Variants in CABCOCO1 observed in about 807,000 individuals in gnomAD.
CABCOCO1 encodes the protein ciliary associated calcium binding coiled-coil 1.
Under a neutral mutation model 35.7 loss-of-function variants are expected in CABCOCO1, and 28 were observed. The ratio of observed to expected loss-of-function variants is 0.78; its 90% CI spans 0.58 to 1.07. The LOEUF (loss-of-function observed/expected upper bound fraction) is 1.07, where lower values mean the gene tolerates loss of function less well. Ranked by LOEUF, CABCOCO1 falls within the 50% of genes least tolerant of loss-of-function variation. The probability of loss-of-function intolerance (pLI) is 0.00; values close to 1 mark genes in which losing one functional copy is unlikely to be tolerated. For synonymous variants in CABCOCO1, 95 were observed against 100.1 expected, an observed-to-expected ratio of 0.95 and a Z score of 0.30; for missense variants, 326 against 309.2, an observed-to-expected ratio of 1.05 and a Z score of -0.41.
chr10:61,710,992 C>A lies in CABCOCO1; in HGVS notation c.552+20371C>A, dbSNP rs139943974. On this transcript the variant is annotated intron_variant, in intron 5 of 7. Transcript: ENST00000648843. Reference sequence around the variant, plus strand: ...CAAACAAAAACTTATAGCTAAAAATCAAGCAGAAGGGATAACATTAAATAC... The same window carrying A: ...CAAACAAAAACTTATAGCTAAAAATAAAGCAGAAGGGATAACATTAAATAC... 1.1e-4 allele frequency among the ~76,000 whole-genome samples: 16 copies of A among 151,712 alleles called. No individual in the cohort carries two copies. In the East Asian group the frequency reaches 2.9e-3, roughly 28 times the overall value.
chr10:61,697,267 T>G (rs774525953), intron 5 of CABCOCO1, among the ~76,000 whole-genome samples: 4 of 152,116 alleles, frequency 2.6e-5, no homozygotes, highest in Admixed American at 1.3e-4. Context: ...GGGAAATACT[T>G]TATTTAAAGG....
intron 5 of CABCOCO1, among the ~76,000 whole-genome samples, chr10:61,739,232 G>A (rs1026367728): frequency 6.6e-6 from 1 of 152,174 alleles, no homozygotes; most frequent in Admixed American, 6.5e-5. Context: ...AATTCTCTAG[G>A]AATCTTGCTC....
At chr10:61,752,382 G>A (rs530777419) in intron 5 of CABCOCO1, among the ~76,000 whole-genome samples, 148 of 146,554 alleles carry the variant, frequency 1.0e-3, no homozygotes, top group African/African-American at 3.5e-3. Flanking sequence ...AAAAAAAAGG[G>A]TAGGGGCTAG....
chr10:61,716,890 T>G, intron 5 of CABCOCO1, among the ~76,000 whole-genome samples: 1 of 121,990 alleles, frequency 8.2e-6, no homozygotes. Flanking sequence ...TTGTTTGGCT[T>G]GTGACTTTCT....
At chr10:61,699,023 G>C (rs1034209943) in intron 5 of CABCOCO1, among the ~76,000 whole-genome samples, 59 of 152,134 alleles carry the variant, frequency 3.9e-4, no homozygotes, top group African/African-American at 1.3e-3. Flanking sequence ...CTTGAAAAAG[G>C]CTTTTTTCTT....
At chr10:61,675,592 T>C (rs1215332078) in intron 2 of CABCOCO1, among the ~76,000 whole-genome samples, 1 of 152,114 alleles carries the variant, frequency 6.6e-6, no homozygotes, top group Non-Finnish European at 1.5e-5. Context: ...TCAGGGCAAA[T>C]ATTTAATTAA....
chr10:61,753,631 A>G (rs889637901), intron 5 of CABCOCO1, among the ~76,000 whole-genome samples: 1 of 152,178 alleles, frequency 6.6e-6, no homozygotes. Context: ...CTGGAAAACA[A>G]AAGATAAAGA....
chr10:61,677,005 A>G (rs1018692283), intron 2 of CABCOCO1, among the ~76,000 whole-genome samples: 2 of 151,958 alleles, frequency 1.3e-5, no homozygotes, highest in Non-Finnish European at 2.9e-5. Context: ...CAGAGCTTGC[A>G]GTGAGCCGGG....
intron 5 of CABCOCO1, among the ~76,000 whole-genome samples, chr10:61,694,072 T>A (rs1431963024): frequency 6.6e-6 from 1 of 151,804 alleles, no homozygotes; most frequent in Non-Finnish European, 1.5e-5. Flanking sequence ...CTTGTTAGTG[T>A]ATTACTTTAC....
At chr10:61,727,450 A>G (rs1841184424) in intron 5 of CABCOCO1, among the ~76,000 whole-genome samples, 1 of 152,196 alleles carries the variant, frequency 6.6e-6, no homozygotes, top group Admixed American at 6.5e-5. Flanking sequence ...ATTAAAATGC[A>G]TCTGAAAGAG....
chr10:61,748,903 T>C (rs1185594984), intron 5 of CABCOCO1, among the ~76,000 whole-genome samples: 1 of 152,052 alleles, frequency 6.6e-6, no homozygotes, highest in Non-Finnish European at 1.5e-5. Flanking sequence ...AATGGATGGG[T>C]CTGATCAGGA....
intron 1 of CABCOCO1, among the ~76,000 whole-genome samples, chr10:61,671,044 T>C (rs1323491905): frequency 6.6e-6 from 1 of 152,216 alleles, no homozygotes; most frequent in Admixed American, 6.5e-5. Context: ...TAAAAAGGGT[T>C]GGCTGGGCAC....
At chr10:61,673,083 G>A (rs1245548174) in intron 2 of CABCOCO1, among the ~76,000 whole-genome samples, 1 of 152,146 alleles carries the variant, frequency 6.6e-6, no homozygotes, top group African/African-American at 2.4e-5. Context: ...CTCGTTGTAA[G>A]AAGAGTAAGT....
intron 5 of CABCOCO1, among the ~76,000 whole-genome samples, chr10:61,692,032 T>C (rs778596500): frequency 3.9e-5 from 6 of 152,276 alleles, no homozygotes; most frequent in Non-Finnish European, 8.8e-5. Flanking sequence ...CTGGGTCAAA[T>C]AGTATTTCTG....
intron 6 of CABCOCO1, among the ~76,000 whole-genome samples, chr10:61,760,618 G>C (rs1394599076): frequency 3.9e-5 from 6 of 151,980 alleles, no homozygotes; most frequent in African/African-American, 1.4e-4. Flanking sequence ...GGGCAAGGAA[G>C]GGAAGGGAGA....
intron 5 of CABCOCO1, among the ~76,000 whole-genome samples, chr10:61,715,205 G>A (rs558071776): frequency 1.3e-4 from 20 of 152,100 alleles, no homozygotes; most frequent in Non-Finnish European, 1.5e-4. Flanking sequence ...CCTGTATTGG[G>A]TGCATATATA....
intron 2 of CABCOCO1, 26 bp downstream of exon 2, chr10:61,672,761 A>G (rs1159420903): frequency 5.1e-6 from 5 of 981,528 alleles, no homozygotes; most frequent in Non-Finnish European, 6.0e-6. Context: ...TTACAATCAC[A>G]TGTAGAAGAA....
chr10:61,673,047 G>T (rs568544417), intron 2 of CABCOCO1, among the ~76,000 whole-genome samples: 1 of 152,196 alleles, frequency 6.6e-6, no homozygotes, highest in South Asian at 2.1e-4. Context: ...CTGTCAATAT[G>T]CACATTAACT....
intron 5 of CABCOCO1, among the ~76,000 whole-genome samples, chr10:61,696,907 A>G (rs1280030136): frequency 3.3e-5 from 5 of 152,134 alleles, no homozygotes; most frequent in African/African-American, 1.2e-4. Context: ...AACATACTTT[A>G]CCAATAAACA....
Sources: gnomAD v4.1 joint callset for allele counts (sites outside exome capture counted in the v4.1 genomes callset) on GRCh38, gnomAD v4.1.1 for gene constraint, MANE v1.5 for transcripts, NCBI Gene and HGNC (gene_info 2026-07-23, HGNC 2026-07-21) for gene names.